Variants in FDCSP observed in about 807,000 individuals in gnomAD.
The protein encoded by FDCSP is follicular dendritic cell secreted protein.
In FDCSP, 8 loss-of-function variants were observed where a neutral mutation model predicts 8.9. The observed-to-expected ratio is 0.90, with a 90% CI of 0.53 to 1.63. FDCSP has a LOEUF of 1.63. Among genes scored for constraint, FDCSP ranks in the 40% most tolerant of loss-of-function variants. The pLI is 0.00. For missense variants in FDCSP, 101 were observed against 103.6 expected (o/e 0.98, Z 0.11); for synonymous variants, 34 against 34.5 (o/e 0.98, Z 0.06).
rs201870560 is a variant in FDCSP at position 70,234,054 on chromosome 4, T to C, written c.125T>C (p.Phe42Ser). The C allele has an allele frequency of 2.5e-5, 40 of 1,607,768 alleles. No homozygotes were observed. Among genetic ancestry groups the C allele is most frequent in the Non-Finnish European group, 3.1e-5 (36 of 1,176,604 alleles). Residue 42 changes from phenylalanine (F) to serine (S), a missense_variant, in exon 4 of 5, where the codon TTT becomes TCT. Coordinates refer to ENST00000317987, the MANE Select transcript of FDCSP (RefSeq NM_152997.4). ...SDSDELASGF[F>S]VFPYPYPFRP... Reference sequence around the variant, plus strand: ...AGCGATGAATTAGCTTCAGGGTTTTTTGTGTTCCCTTACCCATATCCATTT... The same window carrying C: ...AGCGATGAATTAGCTTCAGGGTTTTCTGTGTTCCCTTACCCATATCCATTT...
In FDCSP at chr4:70,233,089, T is replaced by C. The variant is rs1313260348; in HGVS notation, c.90+63T>C. ...CACGTGAAATATTCATAACTATTGT[T>C]AAAGATATTGATTTATCTAAACCTC... On this transcript the variant is annotated intron_variant, in intron 3 of 4. Transcript: ENST00000317987. The C allele has an allele frequency of 3.6e-6, 5 of 1,395,640 alleles. No individual in the cohort carries two copies. The South Asian group carries it at 5.1e-5, about 14-fold the overall frequency. 86.5% of individuals were successfully genotyped at this position (1,395,640 alleles called of 1,614,324 possible).
At position 70,234,085 on chromosome 4, in the gene FDCSP, A is replaced by C. The variant is rs1336925091; in HGVS notation, c.156A>C (p.Pro52=). 1.2e-6 allele frequency: 2 copies of C among 1,611,292 alleles called. No homozygotes were observed. Among genetic ancestry groups the C allele is most frequent in the Non-Finnish European group, 1.7e-6 (2 of 1,178,298 alleles). Residue 52 remains proline (P), a synonymous_variant, in exon 4 of 5, where the codon CCA becomes CCC. Coordinates refer to ENST00000317987, the MANE Select transcript of FDCSP (RefSeq NM_152997.4). ...FVFPYPYPFR[P]LPPIPFPRFP... ...TCCCTTACCCATATCCATTTCGCCC[A>C]CTTCCACCAATTCCATTTCCAAGAT...
At chr4:70,231,070 A>G (rs1161169605) in intron 1 of FDCSP, 125 bp from the exon 2 acceptor site, 7 of 669,354 alleles carry the variant, frequency 1.0e-5, no homozygotes, top group Non-Finnish European at 1.7e-5. Context: ...AAACTCAAAG[A>G]GCTATTTGTC....
intron 1 of FDCSP, among the ~76,000 whole-genome samples, chr4:70,226,739 G>T (rs1215890751): frequency 6.6e-6 from 1 of 151,728 alleles, no homozygotes; most frequent in Non-Finnish European, 1.5e-5. Flanking sequence ...GATTTATCTG[G>T]AGAATCATTT....
intron 1 of FDCSP, among the ~76,000 whole-genome samples, chr4:70,227,648 G>A (rs1003790273): frequency 1.6e-4 from 23 of 141,228 alleles, no homozygotes; most frequent in African/African-American, 5.8e-4. Flanking sequence ...CCATAAATCA[G>A]GGACTTTCCA....
intron 4 of FDCSP, 73 bp downstream of exon 4, chr4:70,234,288 A>T: frequency 7.8e-7 from 1 of 1,288,472 alleles, no homozygotes; most frequent in Non-Finnish European, 1.1e-6. Flanking sequence ...AAGGAAAAAA[A>T]AATGTTAACT....
At chr4:70,231,113 T>C in intron 1 of FDCSP, 82 bp from the exon 2 acceptor site, 1 of 1,105,070 alleles carries the variant, frequency 9.0e-7, no homozygotes, top group Non-Finnish European at 1.3e-6. Flanking sequence ...ATCTTTTAAA[T>C]TCATGGTCTT....
At chr4:70,231,562 G>A (rs1730083824) in intron 2 of FDCSP, among the ~76,000 whole-genome samples, 1 of 151,694 alleles carries the variant, frequency 6.6e-6, no homozygotes, top group Non-Finnish European at 1.5e-5. Flanking sequence ...ATGTGTTCAT[G>A]TGTTTGAGAT....
chr4:70,233,018 A>C lies in FDCSP; in HGVS notation c.82A>C (p.Lys28Gln). Reference sequence around the variant, plus strand: ...GGTCTCTCAAGACCAGGAACGAGAAAAAAGAAGTGTAAGTTACCTTTTCTC... The same window carrying C: ...GGTCTCTCAAGACCAGGAACGAGAACAAAGAAGTGTAAGTTACCTTTTCTC... ...FPVSQDQEREKRSISDSDELA... is the reference protein window; with the variant it reads ...FPVSQDQEREQRSISDSDELA... The change falls in exon 3 of 5, where the codon AAA (lysine) becomes CAA (glutamine). Residue 28 changes from lysine (K) to glutamine (Q), a missense_variant. Physicochemically the swap from Lys to Gln is moderately conservative, Grantham distance 53 (BLOSUM62 1). Coordinates refer to ENST00000317987, the MANE Select transcript of FDCSP (RefSeq NM_152997.4). The C allele has an allele frequency of 6.3e-7, 1 of 1,596,368 alleles. No individual in the cohort carries two copies. The highest frequency in any genetic ancestry group is 1.1e-5 in the South Asian group (1 of 87,244).
At chr4:70,232,879 TA>T (rs1730110056) in intron 2 of FDCSP, 114 bp from the exon 3 acceptor site, 9 of 933,628 alleles carry the variant, frequency 9.6e-6, no homozygotes, top group South Asian at 1.6e-5. Context: ...ATGGGTATTT[TA>T]AAAAATGGTT....
At position 70,231,231 on chromosome 4, in the gene FDCSP, G is replaced by T; in HGVS notation, c.37G>T (p.Ala13Ser). Residue 13 changes from alanine (A) to serine (S), a missense_variant, in exon 2 of 5, where the codon GCA (alanine) becomes TCA (serine). Physicochemically the swap from Ala to Ser is moderately conservative, Grantham distance 99. Coordinates refer to ENST00000317987, the MANE Select transcript of FDCSP (RefSeq NM_152997.4). ...KVLLLITAILAVAVGFPVSQD... is the reference protein window; with the variant it reads ...KVLLLITAILSVAVGFPVSQD... The stretch of plus-strand genomic sequence containing the variant: ...TCTCCTCCTGATCACAGCCATCTTG[G>T]CAGTGGCTGTTGGTTTCCCAGTAAG... 1 of 1,601,748 alleles carries T rather than the reference G, an allele frequency of 6.2e-7. No homozygotes were observed. Among genetic ancestry groups the T allele is most frequent in the Non-Finnish European group, 8.5e-7 (1 of 1,173,418 alleles).
intron 2 of FDCSP, among the ~76,000 whole-genome samples, chr4:70,231,491 T>C (rs544753244): frequency 6.6e-6 from 1 of 151,392 alleles, no homozygotes; most frequent in Non-Finnish European, 1.5e-5. Flanking sequence ...AAAAAAAATA[T>C]ATATATAATG....
intron 2 of FDCSP, among the ~76,000 whole-genome samples, chr4:70,232,609 G>A (rs73824557): frequency 6.6e-6 from 1 of 151,530 alleles, no homozygotes; most frequent in East Asian, 1.9e-4. Flanking sequence ...TCTATATTTT[G>A]TCTTGATTCA....
rs772916843 is a variant in FDCSP at position 70,231,251 on chromosome 4, A to C, written c.57A>C (p.Pro19=). ...TAILAVAVGF[P]VSQDQEREKR... is the part of the protein sequence containing the mutation. Reference sequence around the variant, plus strand: ...TCTTGGCAGTGGCTGTTGGTTTCCCAGTAAGTATCCACGTATACATTCCAA... The same window carrying C: ...TCTTGGCAGTGGCTGTTGGTTTCCCCGTAAGTATCCACGTATACATTCCAA... The change falls in exon 2 of 5, where the codon CCA becomes CCC. Residue 19 remains proline (P), a splice_region_variant and synonymous_variant. Transcript: ENST00000317987. The C allele has an allele frequency of 2.5e-6, 4 of 1,604,578 alleles. No homozygotes were observed.
intron 2 of FDCSP, among the ~76,000 whole-genome samples, chr4:70,232,407 T>C (rs1195821149): frequency 6.6e-6 from 1 of 151,662 alleles, no homozygotes. Flanking sequence ...TTACAACTGC[T>C]TACAGTATTC....
chr4:70,233,995 C>T (rs892587021), intron 3 of FDCSP, 25 bp from the exon 4 acceptor site: 3 of 1,568,792 alleles, frequency 1.9e-6, no homozygotes, highest in Non-Finnish European at 2.6e-6. Flanking sequence ...GTGAAATAAA[C>T]CCTTTAACTT....
intron 1 of FDCSP, among the ~76,000 whole-genome samples, chr4:70,228,547 T>A (rs1730025519): frequency 1.3e-5 from 2 of 151,780 alleles, no homozygotes; most frequent in Non-Finnish European, 2.9e-5. Flanking sequence ...GGTGTATATT[T>A]TACAGAAGGT....
At chr4:70,235,057 A>G (rs1278041390) in intron 4 of FDCSP, 28 bp from the exon 5 acceptor site, 1 of 151,748 alleles carries the variant, frequency 6.6e-6, no homozygotes, top group Non-Finnish European at 1.5e-5. Flanking sequence ...ATTGCAATTA[A>G]TAACCATATG....
chr4:70,232,973 A>T (rs1404332217), intron 2 of FDCSP, 21 bp from the exon 3 acceptor site: 1 of 1,582,712 alleles, frequency 6.3e-7, no homozygotes, highest in African/African-American at 1.4e-5. Context: ...AGTTTAATTA[A>T]TTTCACTATT....
Sources: allele counts gnomAD v4.1 joint callset (sites outside exome capture counted in the v4.1 genomes callset), GRCh38; gene constraint gnomAD v4.1.1; transcripts MANE v1.5; gene names NCBI Gene and HGNC (gene_info 2026-07-23, HGNC 2026-07-21).